Variants in ROBO1 observed in about 807,000 individuals in gnomAD.
ROBO1 encodes roundabout guidance receptor 1, also known as roundabout homolog 1.
A neutral mutation model predicts 195.9 loss-of-function variants in ROBO1; 149 were observed. The observed-to-expected ratio is 0.76, with a 90% confidence interval of 0.67 to 0.87. The LOEUF (loss-of-function observed/expected upper bound fraction) is 0.87. Among genes scored for constraint, ROBO1 ranks in the 40% least tolerant of loss-of-function variants. The probability of loss-of-function intolerance (pLI) is 0.00; values close to 1 mark genes in which losing one functional copy is unlikely to be tolerated. For missense variants in ROBO1, 1,933 were observed against 2,068.3 expected, an observed-to-expected ratio of 0.93 and a Z score of 1.27; for synonymous variants, 816 against 733.2, an observed-to-expected ratio of 1.11 and a Z score of -1.82.
chr3:79,084,867 A>C (rs1214025306), intron 3 of ROBO1, among the ~76,000 whole-genome samples: 2 of 152,196 alleles, frequency 1.3e-5, no homozygotes, highest in African/African-American at 2.4e-5. Context: ...AAAAAATCTG[A>C]AATCTTGCTG....
At chr3:78,986,411 A>C (rs1380352261) in intron 3 of ROBO1, among the ~76,000 whole-genome samples, 1 of 148,668 alleles carries the variant, frequency 6.7e-6, no homozygotes, top group Admixed American at 6.7e-5. Flanking sequence ...TTTTTTCCTG[A>C]GTTGTGGATG....
intron 3 of ROBO1, among the ~76,000 whole-genome samples, chr3:79,087,110 T>C (rs780190173): frequency 7.9e-5 from 12 of 151,992 alleles, no homozygotes; most frequent in South Asian, 2.1e-4. Flanking sequence ...AGTTAGTAAT[T>C]TTGAGTAACA....
intron 16 of ROBO1, 79 bp from the exon 17 acceptor site, chr3:78,659,886 T>G: frequency 9.4e-7 from 1 of 1,058,930 alleles, no homozygotes; most frequent in Non-Finnish European, 1.3e-6. Context: ...TCAAACCCAA[T>G]AATAGATGTA....
intron 4 of ROBO1, among the ~76,000 whole-genome samples, chr3:78,826,843 G>T (rs1035295234): frequency 6.6e-6 from 1 of 151,896 alleles, no homozygotes; most frequent in African/African-American, 2.4e-5. Context: ...ATTGTGAATT[G>T]AAACATTGGG....
At chr3:79,291,408 C>A (rs2032240239) in intron 2 of ROBO1, among the ~76,000 whole-genome samples, 1 of 152,148 alleles carries the variant, frequency 6.6e-6, no homozygotes, top group South Asian at 2.1e-4. Context: ...AACACTCTTT[C>A]CCTTCTTCAC....
chr3:79,142,084 TAATGGA>T (rs2080539560), intron 2 of ROBO1, among the ~76,000 whole-genome samples: 1 of 152,136 alleles, frequency 6.6e-6, no homozygotes, highest in Non-Finnish European at 1.5e-5. Context: ...TATTGTAAAT[TAATGGA>T]AATTGGCGAA....
At chr3:79,548,399 T>C (rs1373528539) in intron 2 of ROBO1, among the ~76,000 whole-genome samples, 1 of 152,176 alleles carries the variant, frequency 6.6e-6, no homozygotes, top group East Asian at 1.9e-4. Flanking sequence ...AGAGAATGCA[T>C]AAATAATTGT....
intron 2 of ROBO1, among the ~76,000 whole-genome samples, chr3:79,517,262 C>T (rs1940989768): frequency 6.6e-6 from 1 of 152,228 alleles, no homozygotes; most frequent in South Asian, 2.1e-4. Flanking sequence ...GTTAATGCTT[C>T]AAGTTACCAA....
At chr3:78,909,809 C>T (rs1368942953) in intron 4 of ROBO1, among the ~76,000 whole-genome samples, 1 of 151,458 alleles carries the variant, frequency 6.6e-6, no homozygotes, top group Non-Finnish European at 1.5e-5. Flanking sequence ...TTTAGTAAAA[C>T]AGTTATTTAA....
At chr3:79,481,597 C>G (rs1171350682) in intron 2 of ROBO1, among the ~76,000 whole-genome samples, 1 of 152,134 alleles carries the variant, frequency 6.6e-6, no homozygotes, top group East Asian at 1.9e-4. Context: ...GTTTCTCATA[C>G]TTAATGGTCA....
At chr3:79,377,379 G>C (rs1448476774) in intron 2 of ROBO1, among the ~76,000 whole-genome samples, 1 of 152,078 alleles carries the variant, frequency 6.6e-6, no homozygotes, top group Non-Finnish European at 1.5e-5. Flanking sequence ...ATACAATCCT[G>C]CCAAATATCT....
chr3:79,241,890 G>C (rs1226064483), intron 2 of ROBO1, among the ~76,000 whole-genome samples: 2 of 151,342 alleles, frequency 1.3e-5, no homozygotes, highest in Admixed American at 6.6e-5. Context: ...GGCACTACTA[G>C]CCGTCTTAAT....
At chr3:79,537,151 C>A (rs1013335678) in intron 2 of ROBO1, among the ~76,000 whole-genome samples, 4 of 150,082 alleles carry the variant, frequency 2.7e-5, no homozygotes, top group Admixed American at 6.7e-5. Flanking sequence ...TCCAAAGATA[C>A]AGAGAACCTG....
In ROBO1 at chr3:79,301,396, G is replaced by A. The variant is rs547217460; in HGVS notation, c.89-175857C>T. On this transcript the variant is annotated intron_variant, in intron 2 of 30. Transcript: ENST00000464233. ...TATAGATTTTCAATTTATAAACTGT[G>A]TGTTTTACAGACCACCTCCTATGAA... is the stretch of plus-strand genomic sequence containing the variant. Among the ~76,000 whole-genome samples, 3 of 152,334 alleles carry A rather than the reference G, an allele frequency of 2.0e-5. No homozygotes were observed. In the South Asian group the frequency reaches 6.2e-4, roughly 32 times the overall value.
In ROBO1 at chr3:79,730,569, G is replaced by C. The variant is rs72901791; in HGVS notation, c.-51+37183C>G. On this transcript the variant is annotated intron_variant, in intron 1 of 30. Coordinates refer to ENST00000464233, the MANE Select transcript of ROBO1 (RefSeq NM_002941.4). ...TTTAACCCAAAATGAATGGATTGGTGTACCAACAGCTAATAGGTAAGTATA... is the reference window on the plus strand; with the variant it reads ...TTTAACCCAAAATGAATGGATTGGTCTACCAACAGCTAATAGGTAAGTATA... Among the ~76,000 whole-genome samples the C allele has an allele frequency of 7.4e-3, 1,132 of 152,184 alleles. 12 individuals are homozygous for C. Among genetic ancestry groups the C allele is most frequent in the African/African-American group, 0.026 (1,061 of 41,546 alleles).
chr3:79,739,840 C>T (rs1047927043), intron 1 of ROBO1, among the ~76,000 whole-genome samples: 16 of 151,978 alleles, frequency 1.1e-4, no homozygotes, highest in Admixed American at 3.9e-4. Flanking sequence ...AGCAATGTAG[C>T]GATAATAAAA....
At chr3:78,860,327 T>TA (rs1491455003) in intron 4 of ROBO1, among the ~76,000 whole-genome samples, 180 of 12,554 alleles carry the variant, frequency 0.014, no homozygotes, top group East Asian at 0.051. Flanking sequence ...TATATATATA[T>TA]TTTTTTTTTT....
At chr3:79,097,666 G>A (rs1346319159) in intron 3 of ROBO1, among the ~76,000 whole-genome samples, 1 of 151,714 alleles carries the variant, frequency 6.6e-6, no homozygotes, top group Non-Finnish European at 1.5e-5. Context: ...AATGTTTTCA[G>A]TGTTTTTAAA....
chr3:79,246,593 G>A (rs566689594), intron 2 of ROBO1, among the ~76,000 whole-genome samples: 2 of 152,072 alleles, frequency 1.3e-5, no homozygotes, highest in Admixed American at 6.6e-5. Flanking sequence ...GGTCTGTATC[G>A]TGCAGCTCTG....
Sources: gnomAD v4.1 joint callset for allele counts (sites outside exome capture counted in the v4.1 genomes callset) on GRCh38, gnomAD v4.1.1 for gene constraint, MANE v1.5 for transcripts, NCBI Gene and HGNC (gene_info 2026-07-23, HGNC 2026-07-21) for gene names.